ZNF718: variants seen among roughly 807,000 people sequenced by gnomAD.
ZNF718 encodes the protein zinc finger protein 718.
Under a neutral mutation model 2.6 loss-of-function variants are expected in ZNF718, and 3 were observed. The observed-to-expected ratio is 1.16, with a 90% CI of 0.53 to 3.01. The LOEUF (loss-of-function observed/expected upper bound fraction) is 3.01. Ranked by LOEUF, ZNF718 falls within the 30% of genes most tolerant of loss-of-function variation. ZNF718 has a pLI of 0.03. For synonymous variants in ZNF718, 135 were observed against 77.9 expected, an observed-to-expected ratio of 1.73 and a Z score of -3.86; for missense variants, 468 against 230.0, an observed-to-expected ratio of 2.03 and a Z score of -6.69.
chr4:198,433 A>G (rs1717835043), intron 3 of ZNF718, among the ~76,000 whole-genome samples: 1 of 152,156 alleles, frequency 6.6e-6, no homozygotes. Flanking sequence ...TTCAGGTGGC[A>G]AGAGGGAGCG....
chr4:138,931 G>A (rs2108785283), intron 3 of ZNF718, among the ~76,000 whole-genome samples: 1 of 152,108 alleles, frequency 6.6e-6, no homozygotes, highest in Admixed American at 6.5e-5. Context: ...TTATTTGTAG[G>A]CTCTCTTTTG....
Position 131,506 on chromosome 4 carries a change from G to A in ZNF718, c.226+1G>A. The A allele has an allele frequency of 2.3e-6, 1 of 443,802 alleles. No homozygotes were observed. Among genetic ancestry groups the A allele is most frequent in the Non-Finnish European group, 3.7e-6 (1 of 273,724 alleles). The allele number at this position is 443,802 out of a possible 1,614,324, so 27.5% of individuals were successfully genotyped here. Reference sequence around the variant, plus strand: ...CATGAAACAGCAGCCAGACCCCCAGGTAGGTGAGAGTGAATGGAGGAGAGG... The same window carrying A: ...CATGAAACAGCAGCCAGACCCCCAGATAGGTGAGAGTGAATGGAGGAGAGG... On this transcript the variant is annotated splice_donor_variant, in intron 3 of 3. Coordinates refer to ENST00000510175, the MANE Select transcript of ZNF718 (RefSeq NM_001039127.6). LOFTEE classifies it high-confidence loss of function.
intron 3 of ZNF718, among the ~76,000 whole-genome samples, chr4:154,823 C>T (rs1326155231): frequency 1.3e-5 from 2 of 152,166 alleles, no homozygotes; most frequent in Non-Finnish European, 2.9e-5. Context: ...TAATGAGGAG[C>T]CAAATGTTAA....
downstream of ZNF718, among the ~76,000 whole-genome samples, chr4:167,190 G>A (rs1447803815): frequency 6.6e-6 from 1 of 152,094 alleles, no homozygotes. Context: ...TGAGGGCTCT[G>A]TTCTGTTCCA....
intron 3 of ZNF718, among the ~76,000 whole-genome samples, chr4:141,425 G>A (rs1553810218): frequency 1.3e-5 from 2 of 152,112 alleles, no homozygotes; most frequent in East Asian, 1.9e-4. Context: ...TTGTAAAAAT[G>A]CATCAGCAGT....
chr4:139,189 A>G (rs1196319130), intron 3 of ZNF718, among the ~76,000 whole-genome samples: 1 of 152,192 alleles, frequency 6.6e-6, no homozygotes, highest in Non-Finnish European at 1.5e-5. Context: ...TACTCAAGAC[A>G]TCTTTGTTCA....
downstream of ZNF718, among the ~76,000 whole-genome samples, chr4:166,978 G>A (rs1371733579): frequency 3.3e-5 from 5 of 152,098 alleles, no homozygotes; most frequent in Non-Finnish European, 7.3e-5. Flanking sequence ...GGTTTTTATG[G>A]TTTTAGGCTA....
intron 3 of ZNF718, among the ~76,000 whole-genome samples, chr4:183,252 A>G (rs1717502806): frequency 6.6e-6 from 1 of 152,324 alleles, no homozygotes; most frequent in East Asian, 1.9e-4. Flanking sequence ...TTTATTAAAC[A>G]GGACATTCTT....
downstream of ZNF718, among the ~76,000 whole-genome samples, chr4:166,183 T>A (rs1168949411): frequency 6.6e-6 from 1 of 152,162 alleles, no homozygotes; most frequent in African/African-American, 2.4e-5. Flanking sequence ...CATGAACTCA[T>A]CATTTTTTAT....
intron 3 of ZNF718, among the ~76,000 whole-genome samples, chr4:193,764 T>C (rs1024746494): frequency 1.3e-5 from 2 of 152,076 alleles, no homozygotes; most frequent in African/African-American, 2.4e-5. Context: ...GTGAGGGTGA[T>C]GGCATGGGCT....
chr4:133,195 A>AAAAAACATTAT lies in ZNF718; in HGVS notation c.226+1691_226+1692insAAAACATTATA, dbSNP rs1258303094. On this transcript the variant is annotated intron_variant, in intron 3 of 3. Coordinates refer to ENST00000510175, the MANE Select transcript of ZNF718 (RefSeq NM_001039127.6). ...TCCATCTTAAAAAAAAAAAAAAAAA[A>AAAAAACATTAT]ATATATATATATATATATATATATA... 1.9e-4 allele frequency among the ~76,000 whole-genome samples: 4 copies of AAAAAACATTAT among 20,774 alleles called. 1 individual carries two copies. The highest frequency in any genetic ancestry group is 6.7e-4 in the African/African-American group (4 of 5,954). 13.6% of individuals were successfully genotyped at this position (20,774 alleles called of 152,430 possible). A position where few individuals can be genotyped will look rare whatever the true frequency, so the allele number is the denominator to read the frequency against.
In ZNF718 at chr4:129,381, G is replaced by A. The variant is rs1715301349; in HGVS notation, c.4-1407G>A. Among the ~76,000 whole-genome samples the A allele has an allele frequency of 2.9e-5, 3 of 103,524 alleles. No homozygotes were observed. In the South Asian group the frequency reaches 9.1e-4, roughly 31 times the overall value. 67.9% of individuals were successfully genotyped at this position (103,524 alleles called of 152,430 possible). A position where few individuals can be genotyped will look rare whatever the true frequency, so the allele number is the denominator to read the frequency against. On this transcript the variant is annotated intron_variant, in intron 1 of 3. Transcript: ENST00000510175. Reference sequence around the variant, plus strand: ...TGCCTAGGGCCCACCTTCTGTCCCAGTTCTGCCCAGATCCACCCTCTGCTG... The same window carrying A: ...TGCCTAGGGCCCACCTTCTGTCCCAATTCTGCCCAGATCCACCCTCTGCTG...
chr4:197,273 G>A (rs1406841074), intron 3 of ZNF718, among the ~76,000 whole-genome samples: 37 of 151,832 alleles, frequency 2.4e-4, no homozygotes, highest in African/African-American at 7.7e-4. Flanking sequence ...TTGCTTCTTT[G>A]ATCTTTATAC....
chr4:199,909 A>C (rs1717865237), intron 3 of ZNF718, among the ~76,000 whole-genome samples: 4 of 152,214 alleles, frequency 2.6e-5, no homozygotes, highest in Admixed American at 2.6e-4. Context: ...GCTCAGAGTG[A>C]TCTTTAACAT....
At chr4:138,872 A>T (rs1394285182) in intron 3 of ZNF718, among the ~76,000 whole-genome samples, 1 of 152,004 alleles carries the variant, frequency 6.6e-6, no homozygotes, top group Non-Finnish European at 1.5e-5. Context: ...TTTGATTTGC[A>T]TTTCTCTGAT....
At position 152,744 on chromosome 4, in the gene ZNF718, G is replaced by A. The variant is rs181386847; in HGVS notation, c.227-8168G>A. On this transcript the variant is annotated intron_variant, in intron 3 of 3. Transcript: ENST00000510175. Reference sequence around the variant, plus strand: ...GCTGGGATTACAGGCATGAGCCACCGTGCCTGGCTGTGATGTGATATTTTA... The same window carrying A: ...GCTGGGATTACAGGCATGAGCCACCATGCCTGGCTGTGATGTGATATTTTA... Among the ~76,000 whole-genome samples, 127 of 152,154 alleles carry A rather than the reference G, an allele frequency of 8.3e-4. 1 individual carries two copies. Among genetic ancestry groups the A allele is most frequent in the Middle Eastern group, 3.4e-3 (1 of 294 alleles).
intron 3 of ZNF718, among the ~76,000 whole-genome samples, chr4:198,984 A>C (rs1370775285): frequency 5.3e-5 from 8 of 152,232 alleles, no homozygotes; most frequent in Non-Finnish European, 1.0e-4. Flanking sequence ...CATGGTCACA[A>C]ACCTGGAAAT....
At chr4:200,779 A>AT (rs1553822668) in intron 3 of ZNF718, among the ~76,000 whole-genome samples, 1 of 152,070 alleles carries the variant, frequency 6.6e-6, no homozygotes, top group South Asian at 2.1e-4. Flanking sequence ...ATTTCACATA[A>AT]TTTTTTCAAA....
intron 3 of ZNF718, among the ~76,000 whole-genome samples, chr4:180,340 T>C (rs1435561360): frequency 6.6e-6 from 1 of 152,270 alleles, no homozygotes; most frequent in East Asian, 1.9e-4. Flanking sequence ...GGTTGCTTAT[T>C]TGTAAATTAG....
Sources: allele counts gnomAD v4.1 joint callset (sites outside exome capture counted in the v4.1 genomes callset), GRCh38; gene constraint gnomAD v4.1.1; transcripts MANE v1.5; gene names NCBI Gene and HGNC (gene_info 2026-07-23, HGNC 2026-07-21).